ARHGAP21: variants seen among roughly 807,000 people sequenced by gnomAD.
ARHGAP21 encodes rho GTPase-activating protein 21.
A neutral mutation model predicts 164.6 loss-of-function variants in ARHGAP21; 38 were observed. That is an observed-to-expected ratio of 0.23 (90% confidence interval 0.18 to 0.30). The LOEUF (loss-of-function observed/expected upper bound fraction) is 0.30. ARHGAP21 is among the 10% of genes least tolerant of loss of function. The pLI is 1.00. For missense variants in ARHGAP21, 1,822 were observed against 2,370.7 expected, an observed-to-expected ratio of 0.77 and a Z score of 4.81; for synonymous variants, 766 against 857.9, an observed-to-expected ratio of 0.89 and a Z score of 1.87.
At chr10:24,595,607 C>T in intron 19 of ARHGAP21, 110 bp downstream of exon 19, 3 of 1,093,390 alleles carry the variant, frequency 2.7e-6, no homozygotes, top group Admixed American at 5.2e-5. Context: ...AATAAAGCCT[C>T]CTGCTTCCTT....
At chr10:24,658,683 T>A (rs11498415) in intron 4 of ARHGAP21, among the ~76,000 whole-genome samples, 2 of 151,078 alleles carry the variant, frequency 1.3e-5, no homozygotes, top group African/African-American at 4.9e-5. Flanking sequence ...TGTTGTGGGG[T>A]GGGGGGAGAG....
chr10:24,721,868 TCAGA>T lies in ARHGAP21; in HGVS notation c.28_31del (p.Ser10ArgfsTer43). 6.2e-7 allele frequency: 1 copy of T among 1,614,212 alleles called. No homozygotes were observed. Among genetic ancestry groups the T allele is most frequent in the Non-Finnish European group, 8.5e-7 (1 of 1,180,044 alleles). Reference sequence around the variant, plus strand: ...GGCCTTGAGCTTGTCACCATCTCCCTCAGACAGACCAGTCCGACGCGTGGCCATC... The same window carrying T: ...GGCCTTGAGCTTGTCACCATCTCCCTCAGACCAGTCCGACGCGTGGCCATC... On this transcript the variant is annotated frameshift_variant, in exon 2 of 26. Coordinates refer to ENST00000396432, the MANE Select transcript of ARHGAP21 (RefSeq NM_020824.4). LOFTEE classifies it high-confidence loss of function.
At chr10:24,593,612 C>CCATAAA in intron 21 of ARHGAP21, among the ~76,000 whole-genome samples, 1 of 58,942 alleles carries the variant, frequency 1.7e-5, no homozygotes, top group African/African-American at 4.8e-5. Flanking sequence ...CATAAAATAC[C>CCATAAA]ATACCCCATC....
rs943591108 is a variant in ARHGAP21, at chr10:24,661,277, A to T, written c.268+5708T>A. On this transcript the variant is annotated intron_variant, in intron 4 of 25. Coordinates refer to ENST00000396432, the MANE Select transcript of ARHGAP21 (RefSeq NM_020824.4). ...TTATTTTACTTAACCTTTTTCTTATAAAAAATCTGCATCATAGTACAGAAA... is the reference window on the plus strand; with the variant it reads ...TTATTTTACTTAACCTTTTTCTTATTAAAAATCTGCATCATAGTACAGAAA... 1.2e-4 allele frequency among the ~76,000 whole-genome samples: 18 copies of T among 151,778 alleles called. No individual in the cohort carries two copies. The South Asian group carries it at 1.9e-3, about 16-fold the overall frequency.
intron 3 of ARHGAP21, among the ~76,000 whole-genome samples, chr10:24,668,274 C>T (rs1038119711): frequency 2.0e-5 from 3 of 152,178 alleles, no homozygotes; most frequent in Non-Finnish European, 2.9e-5. Context: ...GTAACATTCA[C>T]GAGAAAAATT....
At chr10:24,723,140 A>G (rs1846097495) in intron 1 of ARHGAP21, 2 of 151,452 alleles carry the variant, frequency 1.3e-5, no homozygotes, top group South Asian at 4.2e-4. Context: ...GGGGCGAGAC[A>G]AAACCGGGGG....
At chr10:24,680,650 G>A in intron 2 of ARHGAP21, among the ~76,000 whole-genome samples, 1 of 151,954 alleles carries the variant, frequency 6.6e-6, no homozygotes, top group Non-Finnish European at 1.5e-5. Flanking sequence ...TCTCCTAGAG[G>A]GTTACATTTC....
chr10:24,676,776 T>C (rs904333456), intron 2 of ARHGAP21, among the ~76,000 whole-genome samples: 2 of 152,300 alleles, frequency 1.3e-5, no homozygotes, highest in South Asian at 2.1e-4. Flanking sequence ...TGCAGTATAG[T>C]GGACAATTAT....
intron 4 of ARHGAP21, among the ~76,000 whole-genome samples, chr10:24,647,578 A>G (rs945803966): frequency 1.3e-5 from 2 of 152,206 alleles, no homozygotes; most frequent in Admixed American, 1.3e-4. Context: ...GAGAGCAGTC[A>G]TTTTAGAAGC....
At chr10:24,695,065 A>C (rs1843047078) in intron 2 of ARHGAP21, among the ~76,000 whole-genome samples, 1 of 13,066 alleles carries the variant, frequency 7.7e-5, no homozygotes, top group African/African-American at 3.6e-4. Context: ...AAAAAAAAAA[A>C]AAAAAAAAAA....
rs549002209 is a variant in ARHGAP21 at position 24,598,990 on chromosome 10, G to A, written c.3133-981C>T. On this transcript the variant is annotated intron_variant, in intron 14 of 25. Transcript: ENST00000396432. ...TTGCTGAGATTAATGCATGTAGTAT[G>A]TTTAAAATAGTATCTGCCATATGGT... 4.6e-5 allele frequency among the ~76,000 whole-genome samples: 7 copies of A among 152,302 alleles called. No individual in the cohort carries two copies. In the South Asian group the frequency reaches 1.5e-3, roughly 32 times the overall value.
chr10:24,604,163 G>T, intron 12 of ARHGAP21, 149 bp downstream of exon 12: 2 of 507,868 alleles, frequency 3.9e-6, no homozygotes, highest in Non-Finnish European at 6.4e-6. Context: ...AACTGATAAA[G>T]TCAGAAAAAT....
chr10:24,656,161 G>T (rs1485312093), intron 4 of ARHGAP21, among the ~76,000 whole-genome samples: 1 of 125,238 alleles, frequency 8.0e-6, no homozygotes, highest in Non-Finnish European at 1.7e-5. Context: ...CGGGAGGGAG[G>T]TGGGGGGGGT....
intron 9 of ARHGAP21, among the ~76,000 whole-genome samples, chr10:24,611,875 TC>T (rs2077277360): frequency 6.6e-6 from 1 of 152,128 alleles, no homozygotes; most frequent in African/African-American, 2.4e-5. Flanking sequence ...AATTGCCCTG[TC>T]CCTGTAACCA....
chr10:24,584,671 G>T lies in ARHGAP21; in HGVS notation c.5618C>A (p.Pro1873His), dbSNP rs767651604. Reference sequence around the variant, plus strand: ...TCGTGTGCTTGGGTTCTCTGTCTGGGGATCTCCGATTTCTCCTCTGCTAAG... The same window carrying T: ...TCGTGTGCTTGGGTTCTCTGTCTGGTGATCTCCGATTTCTCCTCTGCTAAG... Reference protein sequence around the residue: ...SDLSRGEIGDPQTENPSTREI... With the variant: ...SDLSRGEIGDHQTENPSTREI... Residue 1873 changes from proline (P) to histidine (H), a missense_variant, in exon 26 of 26, where the codon CCC (proline) becomes CAC (histidine). Transcript: ENST00000396432. 1.2e-6 allele frequency: 2 copies of T among 1,613,806 alleles called. No homozygotes were observed. The highest frequency in any genetic ancestry group is 1.3e-5 in the African/African-American group (1 of 74,894).
Position 24,670,397 on chromosome 10 carries a change from C to A in ARHGAP21, c.64G>T (p.Val22Phe). ...TCTTTTCCATCTTTATTTTTTGAGACCTAAAGTGAAAAGATATTTAAAAGT... is the reference window on the plus strand; with the variant it reads ...TCTTTTCCATCTTTATTTTTTGAGAACTAAAGTGAAAAGATATTTAAAAGT... ...GDGDKLKACE[V>F]SKNKDGKEQS... Residue 22 changes from valine to phenylalanine, a missense_variant and splice_region_variant, in exon 3 of 26, where the codon GTC becomes TTC. By Grantham distance (50) the Val-to-Phe change is conservative. Coordinates refer to ENST00000396432, the MANE Select transcript of ARHGAP21 (RefSeq NM_020824.4). 2 of 1,572,680 alleles carry A rather than the reference C, an allele frequency of 1.3e-6. No individual in the cohort carries two copies. The highest frequency in any genetic ancestry group is 1.7e-6 in the Non-Finnish European group (2 of 1,157,696).
At chr10:24,689,063 A>C (rs978820587) in intron 2 of ARHGAP21, among the ~76,000 whole-genome samples, 1 of 152,148 alleles carries the variant, frequency 6.6e-6, no homozygotes, top group Non-Finnish European at 1.5e-5. Flanking sequence ...TCTGATAGAG[A>C]CTTTTAAAAT....
chr10:24,605,481 C>T lies in ARHGAP21; in HGVS notation c.2685-1133G>A, dbSNP rs111875616. On this transcript the variant is annotated intron_variant, in intron 11 of 25. Coordinates refer to ENST00000396432, the MANE Select transcript of ARHGAP21 (RefSeq NM_020824.4). ...GAGGAAGAAATAAAGGCTAAAATAG[C>T]TCACAAATCCAACCCTGTATCTTTA... is the stretch of plus-strand genomic sequence containing the variant. Among the ~76,000 whole-genome samples the T allele has an allele frequency of 9.4e-3, 1,429 of 152,208 alleles. 17 individuals are homozygous for T. Among genetic ancestry groups the T allele is most frequent in the South Asian group, 0.032 (156 of 4,828 alleles).
At chr10:24,653,764 G>A (rs1838466434) in intron 4 of ARHGAP21, among the ~76,000 whole-genome samples, 1 of 151,988 alleles carries the variant, frequency 6.6e-6, no homozygotes, top group Non-Finnish European at 1.5e-5. Flanking sequence ...TCATATAAAT[G>A]GAATCAGATA....
Sources: allele counts gnomAD v4.1 joint callset (sites outside exome capture counted in the v4.1 genomes callset), GRCh38; gene constraint gnomAD v4.1.1; transcripts MANE v1.5; gene names NCBI Gene and HGNC (gene_info 2026-07-23, HGNC 2026-07-21).